The following CABIN1 variants were observed in gnomAD, a reference collection of about 807,000 sequenced individuals.
The protein encoded by CABIN1 is calcineurin binding protein 1, also known as calcineurin-binding protein cabin-1.
Under a neutral mutation model 227.7 loss-of-function variants are expected in CABIN1, and 133 were observed. That is an observed-to-expected ratio of 0.58 (90% CI 0.51 to 0.67). The LOEUF is 0.67. Among genes scored for constraint, CABIN1 ranks in the 30% least tolerant of loss-of-function variants. The pLI, the probability that CABIN1 is intolerant of heterozygous loss-of-function variation, is 0.00. For synonymous variants in CABIN1, 1,086 were observed against 1,155.1 expected (o/e 0.94, Z 1.21); for missense variants, 2,408 against 2,852.5 (o/e 0.84, Z 3.55).
At chr22:24,130,345 G>C (rs886803047) in intron 28 of CABIN1, among the ~76,000 whole-genome samples, 14 of 152,164 alleles carry the variant, frequency 9.2e-5, no homozygotes, top group African/African-American at 3.1e-4. Flanking sequence ...TAGGTCAGGG[G>C]GCAGGGGAAG....
chr22:24,021,051 A>G (rs1251124871), intron 1 of CABIN1, among the ~76,000 whole-genome samples: 2 of 151,424 alleles, frequency 1.3e-5, no homozygotes, highest in Admixed American at 6.6e-5. Context: ...CCAGGCTGGA[A>G]TGCAGTGGTG....
rs1465876875 is a variant in CABIN1, at chr22:24,035,632, G to A, written c.3+112G>A. 539 of 1,378,958 alleles carry A rather than the reference G, an allele frequency of 3.9e-4. 4 individuals carry two copies. The highest frequency in any genetic ancestry group is 7.0e-5 in the Non-Finnish European group (68 of 965,430). 85.4% of individuals were successfully genotyped at this position (1,378,958 alleles called of 1,614,324 possible). On this transcript the variant is annotated intron_variant, in intron 2 of 36. Transcript: ENST00000263119. ...TTCTGAAGGCTCTTATTATGGAGTAGCCTTCCTCCCAGGAAGGCTGTTGGC... is the reference window on the plus strand; with the variant it reads ...TTCTGAAGGCTCTTATTATGGAGTAACCTTCCTCCCAGGAAGGCTGTTGGC...
intron 31 of CABIN1, 33 bp downstream of exon 31, chr22:24,165,659 C>T: frequency 6.4e-7 from 1 of 1,560,150 alleles, no homozygotes; most frequent in South Asian, 1.1e-5. Flanking sequence ...TCCTCCACGG[C>T]CCATGAACAC....
At chr22:24,031,417 G>C (rs1032595782) in intron 1 of CABIN1, among the ~76,000 whole-genome samples, 2 of 152,198 alleles carry the variant, frequency 1.3e-5, no homozygotes, top group Non-Finnish European at 2.9e-5. Flanking sequence ...GGTTGTAAAG[G>C]ATCAGGGAGT....
intron 1 of CABIN1, among the ~76,000 whole-genome samples, chr22:24,033,175 A>G (rs183282530): frequency 2.0e-5 from 3 of 152,326 alleles, no homozygotes; most frequent in African/African-American, 4.8e-5. Context: ...TAAAACAGCT[A>G]TCAGTCTAGG....
At chr22:24,083,123 A>G (rs1243552308) in intron 19 of CABIN1, 105 bp from the exon 20 acceptor site, 1 of 1,139,916 alleles carries the variant, frequency 8.8e-7, no homozygotes, top group African/African-American at 1.5e-5. Flanking sequence ...TAGCCACCTC[A>G]GGTTAAAAGA....
chr22:24,164,093 C>T (rs1203958697), intron 29 of CABIN1, among the ~76,000 whole-genome samples: 1 of 152,218 alleles, frequency 6.6e-6, no homozygotes, highest in African/African-American at 2.4e-5. Context: ...TCTGTCCTCA[C>T]GTTTGATCAG....
intron 1 of CABIN1, among the ~76,000 whole-genome samples, chr22:24,019,885 G>A (rs1428885908): frequency 6.6e-6 from 1 of 151,514 alleles, no homozygotes; most frequent in Non-Finnish European, 1.5e-5. Flanking sequence ...TTGAACTCCC[G>A]ACCTCAGATG....
At chr22:24,103,083 G>A (rs1489002844) in intron 26 of CABIN1, 2 of 152,292 alleles carry the variant, frequency 1.3e-5, no homozygotes, top group African/African-American at 2.4e-5. Context: ...TCAGGGAACA[G>A]CGCAGACCCG....
chr22:24,168,377 CACAG>C (rs796805536), intron 32 of CABIN1, 66 bp from the exon 33 acceptor site: 47 of 1,471,022 alleles, frequency 3.2e-5, no homozygotes, highest in South Asian at 4.8e-5. Context: ...GTGCTACATA[CACAG>C]ACAGGGCTGG....
At chr22:24,114,737 G>T (rs2042992984) in intron 27 of CABIN1, among the ~76,000 whole-genome samples, 1 of 152,182 alleles carries the variant, frequency 6.6e-6, no homozygotes, top group Non-Finnish European at 1.5e-5. Context: ...TCACACATAG[G>T]TGTGGCAGTG....
At chr22:24,118,991 C>T (rs529350292) in intron 27 of CABIN1, among the ~76,000 whole-genome samples, 5 of 152,334 alleles carry the variant, frequency 3.3e-5, no homozygotes, top group Admixed American at 6.5e-5. Flanking sequence ...GTGTTTTATG[C>T]GATGCTGGTG....
At chr22:24,017,733 A>T (rs1014295980) in intron 1 of CABIN1, among the ~76,000 whole-genome samples, 4 of 151,056 alleles carry the variant, frequency 2.6e-5, no homozygotes, top group African/African-American at 9.7e-5. Context: ...CATTGTATGT[A>T]TATACTACAT....
rs1394540299 is a variant in CABIN1 at position 24,122,675 on chromosome 22, T to G, written c.4632+2977T>G. Among the ~76,000 whole-genome samples, 7 of 151,648 alleles carry G rather than the reference T, an allele frequency of 4.6e-5. No individual in the cohort carries two copies. The East Asian group carries it at 1.4e-3, about 29-fold the overall frequency. The stretch of plus-strand genomic sequence containing the variant: ...GTGAGCCGAGATCACGTCATTTCAC[T>G]CCAGCCTGGGCGAAAGACCAAAACT... On this transcript the variant is annotated intron_variant, in intron 28 of 36. Coordinates refer to ENST00000263119, the MANE Select transcript of CABIN1 (RefSeq NM_012295.4).
At chr22:24,062,852 C>T in intron 13 of CABIN1, 107 bp from the exon 14 acceptor site, 1 of 1,052,200 alleles carries the variant, frequency 9.5e-7, no homozygotes, top group Non-Finnish European at 1.5e-6. Context: ...CTTAGGGTGC[C>T]CCTGGAGATA....
intron 4 of CABIN1, among the ~76,000 whole-genome samples, chr22:24,039,147 G>A (rs1421266952): frequency 1.3e-5 from 2 of 152,160 alleles, no homozygotes; most frequent in Non-Finnish European, 2.9e-5. Flanking sequence ...TAGGAGGAAA[G>A]GCGTTTGTTT....
Position 24,166,826 on chromosome 22 carries a change from C to T in CABIN1, c.5195C>T (p.Pro1732Leu), listed in dbSNP as rs1299011080. The T allele has an allele frequency of 3.1e-6, 5 of 1,613,074 alleles. No individual in the cohort carries two copies. The highest frequency in any genetic ancestry group is 1.7e-5 in the Admixed American group (1 of 59,994). ...AAAGTGGGCCTCCTCAACCACCGGC[C>T]TGTGGCCATGGATGCAGGAGACAGT... ...GGKVGLLNHR[P>L]VAMDAGDSAD... The change falls in exon 32 of 37, where the codon CCT becomes CTT. Residue 1732 changes from proline (P) to leucine (L), a missense_variant. Pro to Leu is a moderately conservative substitution (Grantham distance 98). This residue lies in a region of CABIN1 where 714 missense variants were observed against 773.8 expected (regional missense o/e 0.92). Coordinates refer to ENST00000263119, the MANE Select transcript of CABIN1 (RefSeq NM_012295.4).
intron 9 of CABIN1, 149 bp downstream of exon 9, chr22:24,055,308 A>G (rs908306210): frequency 1.0e-6 from 1 of 958,222 alleles, no homozygotes; most frequent in African/African-American, 1.6e-5. Flanking sequence ...CCAGCCCTAG[A>G]GGAGCCTCTC....
In CABIN1 at chr22:24,141,260, C is replaced by T. The variant is rs187844243; in HGVS notation, c.4746+6845C>T. On this transcript the variant is annotated intron_variant, in intron 29 of 36. Coordinates refer to ENST00000263119, the MANE Select transcript of CABIN1 (RefSeq NM_012295.4). ...GTGGCCTTAGCCGTCACACCCACCACACAGGTCTCTTTCTGTGAGGCCTGG... is the reference window on the plus strand; with the variant it reads ...GTGGCCTTAGCCGTCACACCCACCATACAGGTCTCTTTCTGTGAGGCCTGG... 2.0e-5 allele frequency among the ~76,000 whole-genome samples: 3 copies of T among 152,360 alleles called. No individual in the cohort carries two copies. The East Asian group carries it at 5.8e-4, about 29-fold the overall frequency.
Sources: allele counts gnomAD v4.1 joint callset (sites outside exome capture counted in the v4.1 genomes callset), GRCh38; gene constraint gnomAD v4.1.1; regional missense constraint gnomAD v4.1.1; transcripts MANE v1.5; gene names NCBI Gene and HGNC (gene_info 2026-07-23, HGNC 2026-07-21).